B3GLCT: variants seen among roughly 807,000 people sequenced by gnomAD.
The protein encoded by B3GLCT is beta 3-glucosyltransferase.
In B3GLCT, 65 loss-of-function variants were observed where a neutral mutation model predicts 63.4. That is an observed-to-expected ratio of 1.03 (90% CI 0.84 to 1.26). The LOEUF is 1.26. B3GLCT is among the 50% of genes most tolerant of loss of function. B3GLCT has a pLI of 0.00. For synonymous variants in B3GLCT, 233 were observed against 219.2 expected (o/e 1.06, Z -0.55); for missense variants, 577 against 604.8 (o/e 0.95, Z 0.48).
intron 12 of B3GLCT, among the ~76,000 whole-genome samples, chr13:31,306,459 G>C (rs1038443903): frequency 1.1e-5 from 1 of 95,208 alleles, no homozygotes; most frequent in African/African-American, 4.4e-5. Context: ...ATCTCCTTAA[G>C]CTGATAAGCA....
At chr13:31,279,467 G>A (rs967454244) in intron 10 of B3GLCT, among the ~76,000 whole-genome samples, 1 of 152,052 alleles carries the variant, frequency 6.6e-6, no homozygotes, top group Non-Finnish European at 1.5e-5. Context: ...TCACATGTTG[G>A]CAGGTTCTGT....
Position 31,243,560 on chromosome 13 carries a change from A to G in B3GLCT, c.271-3463A>G, listed in dbSNP as rs150608954. 9.2e-4 allele frequency among the ~76,000 whole-genome samples: 140 copies of G among 152,296 alleles called. 3 individuals carry two copies. The East Asian group carries it at 0.011, about 12-fold the overall frequency. On this transcript the variant is annotated intron_variant, in intron 4 of 14. Transcript: ENST00000343307. ...TTTCCCCTCCATGTCAAGAATAATGACCCTTCTCCATTCTAAAAATATTGT... is the reference window on the plus strand; with the variant it reads ...TTTCCCCTCCATGTCAAGAATAATGGCCCTTCTCCATTCTAAAAATATTGT...
intron 4 of B3GLCT, among the ~76,000 whole-genome samples, chr13:31,232,849 T>C (rs567624563): frequency 1.3e-5 from 2 of 152,376 alleles, no homozygotes; most frequent in South Asian, 2.1e-4. Flanking sequence ...GAATAGACTA[T>C]GTCTTATGAG....
intron 8 of B3GLCT, 51 bp from the exon 9 acceptor site, chr13:31,274,458 C>G: frequency 6.2e-7 from 1 of 1,613,126 alleles, no homozygotes; most frequent in Non-Finnish European, 8.5e-7. Context: ...CCTTCTTATA[C>G]TTGTGTTGAC....
chr13:31,211,712 A>C (rs1290668316), intron 1 of B3GLCT, among the ~76,000 whole-genome samples: 1 of 152,140 alleles, frequency 6.6e-6, no homozygotes, highest in Non-Finnish European at 1.5e-5. Flanking sequence ...TGATTACGAC[A>C]AGCAGAATTT....
At chr13:31,320,831 T>C (rs1875297113) in intron 13 of B3GLCT, among the ~76,000 whole-genome samples, 1 of 152,232 alleles carries the variant, frequency 6.6e-6, no homozygotes, top group African/African-American at 2.4e-5. Context: ...CGCTGGTCTC[T>C]GCATACCATT....
In B3GLCT at chr13:31,308,362, A is replaced by AAAAACAAAAAC. The variant is rs144783437; in HGVS notation, c.1065-9200_1065-9199insCAAAAACAAAA. 2.1e-4 allele frequency among the ~76,000 whole-genome samples: 13 copies of AAAAACAAAAAC among 61,890 alleles called. No individual in the cohort carries two copies. The South Asian group carries it at 2.2e-3, about 11-fold the overall frequency. 40.6% of individuals were successfully genotyped at this position (61,890 alleles called of 152,430 possible). A position where few individuals can be genotyped will look rare whatever the true frequency, so the allele number is the denominator to read the frequency against. On this transcript the variant is annotated intron_variant, in intron 12 of 14. Coordinates refer to ENST00000343307, the MANE Select transcript of B3GLCT (RefSeq NM_194318.4). ...AAAAAAAAATTAAAAAAAAAAAAAC[A>AAAAACAAAAAC]AAAAAAAAAGCTAGTCCCACATGGC... is the stretch of plus-strand genomic sequence containing the variant.
At chr13:31,319,451 T>C (rs1875220150) in intron 13 of B3GLCT, among the ~76,000 whole-genome samples, 3 of 152,070 alleles carry the variant, frequency 2.0e-5, no homozygotes, top group Admixed American at 2.0e-4. Context: ...TGTCGCTAAA[T>C]CAAATTAATA....
chr13:31,219,583 T>A (rs1566045756), intron 2 of B3GLCT, among the ~76,000 whole-genome samples: 1 of 152,188 alleles, frequency 6.6e-6, no homozygotes, highest in Admixed American at 6.5e-5. Flanking sequence ...TCATCTCTTC[T>A]CCACCACTAG....
chr13:31,259,199 T>G (rs1871893410), intron 6 of B3GLCT, among the ~76,000 whole-genome samples: 1 of 152,248 alleles, frequency 6.6e-6, no homozygotes, highest in Admixed American at 6.5e-5. Context: ...AAGTCTTATT[T>G]GATAACTGCA....
At chr13:31,308,332 T>TAAAAAAAAAATTTAAA (rs1491270945) in intron 12 of B3GLCT, among the ~76,000 whole-genome samples, 2 of 32,840 alleles carry the variant, frequency 6.1e-5, no homozygotes, top group African/African-American at 1.4e-4. Context: ...TAGAGTATAA[T>TAAAAAAAAAATTTAAA]AAAAAAAAAA....
chr13:31,221,655 C>T (rs540839516), intron 2 of B3GLCT, among the ~76,000 whole-genome samples: 1 of 152,200 alleles, frequency 6.6e-6, no homozygotes, highest in Non-Finnish European at 1.5e-5. Flanking sequence ...GTGTTTAGCT[C>T]TCTCTTCCCC....
chr13:31,200,662 C>T (rs553613140), intron 1 of B3GLCT, among the ~76,000 whole-genome samples: 1 of 151,996 alleles, frequency 6.6e-6, no homozygotes, highest in South Asian at 2.1e-4. Flanking sequence ...CCCCGCGGCT[C>T]CTGTTCGACC....
At chr13:31,312,427 A>C (rs569192301) in intron 12 of B3GLCT, 32 of 152,388 alleles carry the variant, frequency 2.1e-4, no homozygotes, top group Admixed American at 7.2e-4. Context: ...AAGTAAATAC[A>C]TTGGAAAGCA....
At chr13:31,263,795 G>C (rs1253396988) in intron 7 of B3GLCT, among the ~76,000 whole-genome samples, 1 of 152,176 alleles carries the variant, frequency 6.6e-6, no homozygotes, top group Non-Finnish European at 1.5e-5. Context: ...CCAGTGCCCA[G>C]CTTCCATAGC....
At chr13:31,240,391 A>AT (rs1870869567) in intron 4 of B3GLCT, among the ~76,000 whole-genome samples, 1 of 146,376 alleles carries the variant, frequency 6.8e-6, no homozygotes, top group Non-Finnish European at 1.5e-5. Flanking sequence ...TTTACAAATT[A>AT]TTTTTTTTCT....
intron 12 of B3GLCT, among the ~76,000 whole-genome samples, chr13:31,293,054 C>T (rs1008489375): frequency 1.3e-5 from 2 of 152,134 alleles, no homozygotes; most frequent in Non-Finnish European, 2.9e-5. Context: ...GCCTAAATTT[C>T]ATTACTTACC....
chr13:31,328,101 G>A (rs1256033990), intron 14 of B3GLCT, among the ~76,000 whole-genome samples: 1 of 152,122 alleles, frequency 6.6e-6, no homozygotes, highest in Non-Finnish European at 1.5e-5. Flanking sequence ...GTTACTTCTG[G>A]GAGCTCTGGT....
intron 12 of B3GLCT, among the ~76,000 whole-genome samples, chr13:31,288,752 T>C (rs1873481116): frequency 6.6e-6 from 1 of 152,032 alleles, no homozygotes; most frequent in Non-Finnish European, 1.5e-5. Context: ...AAAAATATTC[T>C]CCCCTACAAA....
Sources: gnomAD v4.1 joint callset for allele counts (sites outside exome capture counted in the v4.1 genomes callset) on GRCh38, gnomAD v4.1.1 for gene constraint, MANE v1.5 for transcripts, NCBI Gene and HGNC (gene_info 2026-07-23, HGNC 2026-07-21) for gene names.